Variants in GPAT3 observed in about 807,000 individuals in gnomAD.
The protein encoded by GPAT3 is glycerol-3-phosphate acyltransferase 3.
Under a neutral mutation model 58.8 loss-of-function variants are expected in GPAT3, and 53 were observed. The observed-to-expected ratio is 0.90, with a 90% CI of 0.72 to 1.13. GPAT3 has a LOEUF of 1.13. Among genes scored for constraint, GPAT3 ranks in the 50% most tolerant of loss-of-function variants. The pLI is 0.00. For missense variants in GPAT3, 511 were observed against 527.6 expected (o/e 0.97, Z 0.31); for synonymous variants, 197 against 187.4 (o/e 1.05, Z -0.42).
At chr4:83,594,808 C>A in intron 6 of GPAT3, 37 bp from the exon 7 acceptor site, 1 of 1,564,566 alleles carries the variant, frequency 6.4e-7, no homozygotes, top group East Asian at 2.2e-5. Context: ...CACAACGGTG[C>A]CTTTTACGTT....
chr4:83,566,419 T>TTTATTATTA (rs10688921), intron 2 of GPAT3, among the ~76,000 whole-genome samples: 2,698 of 143,548 alleles, frequency 0.019, 54 homozygotes, highest in East Asian at 0.07. Flanking sequence ...AATTAATTAA[T>TTTATTATTA]TTATTATTAT....
At chr4:83,585,944 T>A (rs185822212) in intron 3 of GPAT3, among the ~76,000 whole-genome samples, 1 of 152,116 alleles carries the variant, frequency 6.6e-6, no homozygotes, top group African/African-American at 2.4e-5. Flanking sequence ...AAAGACAGAA[T>A]AACATAATGC....
At chr4:83,568,561 G>T (rs920893521) in intron 2 of GPAT3, among the ~76,000 whole-genome samples, 1 of 150,944 alleles carries the variant, frequency 6.6e-6, no homozygotes, top group Admixed American at 6.6e-5. Context: ...AGGCTGGAGT[G>T]CTGTGGCGCG....
At position 83,536,820 on chromosome 4, in the gene GPAT3, G is replaced by A. The variant is rs1724113304; in HGVS notation, c.141+57G>A. On this transcript the variant is annotated intron_variant, in intron 1 of 11. Transcript: ENST00000264409. ...CACCGCTGCGGGCTGAGAACCCGGG[G>A]GTCCAGTTCTCAAGGTCAGTGGTCG... 5.9e-6 allele frequency: 9 copies of A among 1,523,262 alleles called. No homozygotes were observed. The South Asian group carries it at 1.1e-4, about 18-fold the overall frequency. The allele number at this position is 1,523,262 out of a possible 1,614,324, so 94.4% of individuals were successfully genotyped here. A position where few individuals can be genotyped will look rare whatever the true frequency, so the allele number is the denominator to read the frequency against.
intron 2 of GPAT3, among the ~76,000 whole-genome samples, chr4:83,562,202 ATATATATAT>A (rs1725172256): frequency 8.5e-5 from 3 of 35,152 alleles, no homozygotes; most frequent in African/African-American, 4.0e-4. Context: ...TATATATAAT[ATATATATAT>A]TATATATATA....
intron 2 of GPAT3, among the ~76,000 whole-genome samples, chr4:83,557,396 T>C (rs1157752815): frequency 6.6e-6 from 1 of 152,194 alleles, no homozygotes; most frequent in Non-Finnish European, 1.5e-5. Flanking sequence ...ACATCACTAG[T>C]TGATGAAGTT....
chr4:83,561,052 G>A (rs547542280), intron 2 of GPAT3, among the ~76,000 whole-genome samples: 25 of 152,288 alleles, frequency 1.6e-4, no homozygotes, highest in African/African-American at 4.1e-4. Flanking sequence ...TACAACTGGC[G>A]TCAGGCCTTT....
At chr4:83,587,393 A>ATATTCTCTTTGTG in intron 4 of GPAT3, 64 bp downstream of exon 4, 3 of 1,393,824 alleles carry the variant, frequency 2.2e-6, no homozygotes, top group Non-Finnish European at 3.0e-6. Context: ...GTGTCCACAA[A>ATATTCTCTTTGTG]GAGAATATTT....
chr4:83,593,165 A>ATTTTTTTTTTT (rs1192318005), intron 6 of GPAT3, among the ~76,000 whole-genome samples: 1 of 78,936 alleles, frequency 1.3e-5, no homozygotes, highest in Admixed American at 1.5e-4. Flanking sequence ...CCGAGCCAGG[A>ATTTTTTTTTTT]CTTTTTTTTT....
intron 3 of GPAT3, among the ~76,000 whole-genome samples, chr4:83,582,474 C>G (rs144321127): frequency 1.3e-5 from 2 of 152,124 alleles, no homozygotes; most frequent in African/African-American, 4.8e-5. Flanking sequence ...GAAGGCACTG[C>G]GTGGTGGGAT....
intron 1 of GPAT3, among the ~76,000 whole-genome samples, chr4:83,539,090 A>C (rs548787080): frequency 2.0e-5 from 3 of 152,184 alleles, no homozygotes; most frequent in African/African-American, 4.8e-5. Context: ...AGGATCCTCT[A>C]TCCTTCAACT....
At chr4:83,553,740 A>G (rs1479533298) in intron 2 of GPAT3, among the ~76,000 whole-genome samples, 1 of 151,908 alleles carries the variant, frequency 6.6e-6, no homozygotes, top group African/African-American at 2.4e-5. Context: ...CTCTACAAAA[A>G]CTACAAAAAA....
chr4:83,554,099 C>T (rs182680182), intron 2 of GPAT3, among the ~76,000 whole-genome samples: 1 of 151,962 alleles, frequency 6.6e-6, no homozygotes, highest in African/African-American at 2.4e-5. Flanking sequence ...TCAAGCTGTC[C>T]TCACACCTCA....
chr4:83,542,938 C>A (rs1445751174), intron 1 of GPAT3, among the ~76,000 whole-genome samples: 1 of 152,036 alleles, frequency 6.6e-6, no homozygotes, highest in African/African-American at 2.4e-5. Flanking sequence ...GTGGAGATTG[C>A]AGTGAGCCGA....
At chr4:83,595,979 C>T (rs1430171776) in intron 7 of GPAT3, among the ~76,000 whole-genome samples, 1 of 152,200 alleles carries the variant, frequency 6.6e-6, no homozygotes, top group Non-Finnish European at 1.5e-5. Context: ...GACACTCTGG[C>T]AGCTGCAGTC....
chr4:83,538,459 G>T (rs1306973646), intron 1 of GPAT3, among the ~76,000 whole-genome samples: 1 of 152,164 alleles, frequency 6.6e-6, no homozygotes, highest in African/African-American at 2.4e-5. Context: ...CATAGCAGAT[G>T]ATCCTCTTCA....
At position 83,590,102 on chromosome 4, in the gene GPAT3, A is replaced by G. The variant is rs1222722834; in HGVS notation, c.645-97A>G. ...AGTGAGACGCGAAAAAAAAAATTACATATATACACACACACACACTTAAAA... is the reference window on the plus strand; with the variant it reads ...AGTGAGACGCGAAAAAAAAAATTACGTATATACACACACACACACTTAAAA... On this transcript the variant is annotated intron_variant, in intron 5 of 11. Transcript: ENST00000264409. The G allele has an allele frequency of 8.9e-6, 10 of 1,121,762 alleles. No homozygotes were observed. In the East Asian group the frequency reaches 1.3e-4, roughly 14 times the overall value. The allele number at this position is 1,121,762 out of a possible 1,614,324, so 69.5% of individuals were successfully genotyped here.
chr4:83,547,302 GA>G (rs1724563461), intron 2 of GPAT3, among the ~76,000 whole-genome samples: 1 of 144,926 alleles, frequency 6.9e-6, no homozygotes, highest in South Asian at 2.2e-4. Context: ...ACCCAGGCTG[GA>G]GTGCAGTGGC....
At chr4:83,560,203 G>T (rs991458881) in intron 2 of GPAT3, among the ~76,000 whole-genome samples, 3 of 152,138 alleles carry the variant, frequency 2.0e-5, no homozygotes, top group Non-Finnish European at 4.4e-5. Context: ...TTTCCAGAAG[G>T]TCCCTCAGGG....
Sources: allele counts gnomAD v4.1 joint callset (sites outside exome capture counted in the v4.1 genomes callset), GRCh38; gene constraint gnomAD v4.1.1; transcripts MANE v1.5; gene names NCBI Gene and HGNC (gene_info 2026-07-23, HGNC 2026-07-21).